ADAM12: variants seen among roughly 807,000 people sequenced by gnomAD.
ADAM12 encodes disintegrin and metalloproteinase domain-containing protein 12.
A neutral mutation model predicts 106.4 loss-of-function variants in ADAM12; 70 were observed. That is an observed-to-expected ratio of 0.66 (90% CI 0.54 to 0.80). The LOEUF (loss-of-function observed/expected upper bound fraction) is 0.80, where lower values mean the gene tolerates loss of function less well. Ranked by LOEUF, ADAM12 falls within the 30% of genes least tolerant of loss-of-function variation. ADAM12 has a pLI of 0.00. For synonymous variants in ADAM12, 420 were observed against 433.5 expected (o/e 0.97, Z 0.39); for missense variants, 1,010 against 1,171.9 (o/e 0.86, Z 2.02).
chr10:126,017,153 A>G lies in ADAM12; in HGVS notation c.*126T>C, dbSNP rs1953674954. Reference sequence around the variant, plus strand: ...GCACAGCACTGACGGCAGTAGCTCAAAGTTCTTATAGTAATGATGTTTTAA... The same window carrying G: ...GCACAGCACTGACGGCAGTAGCTCAGAGTTCTTATAGTAATGATGTTTTAA... On this transcript the variant is annotated 3_prime_UTR_variant, in exon 23 of 23. Coordinates refer to ENST00000448723, the MANE Select transcript of ADAM12 (RefSeq NM_001288973.2). 2 of 845,526 alleles carry G rather than the reference A, an allele frequency of 2.4e-6. No individual in the cohort carries two copies. The highest frequency in any genetic ancestry group is 3.7e-6 in the Non-Finnish European group (2 of 539,776). The allele number at this position is 845,526 out of a possible 1,614,324, so 52.4% of individuals were successfully genotyped here.
chr10:126,041,289 C>G, intron 18 of ADAM12: 1 of 974,988 alleles, frequency 1.0e-6, no homozygotes, highest in Non-Finnish European at 1.2e-6. Context: ...GTGAGCCATG[C>G]TTGCTCATGG....
At chr10:126,304,555 A>T (rs543972060) in intron 2 of ADAM12, among the ~76,000 whole-genome samples, 11 of 152,262 alleles carry the variant, frequency 7.2e-5, no homozygotes, top group African/African-American at 2.4e-4. Context: ...TATAGATTAA[A>T]ACTGAAAGAG....
chr10:126,238,043 C>A (rs570161189), intron 3 of ADAM12, among the ~76,000 whole-genome samples: 1 of 152,138 alleles, frequency 6.6e-6, no homozygotes, highest in East Asian at 1.9e-4. Context: ...TTGTTAGCTA[C>A]GCAAAATATT....
chr10:126,388,123 A>G lies in ADAM12; in HGVS notation c.23T>C (p.Val8Ala). The change falls in exon 1 of 23, where the codon GTG becomes GCG. Residue 8 changes from valine to alanine, a missense_variant. Physicochemically the swap from Val to Ala is moderately conservative, Grantham distance 64 (BLOSUM62 0). This residue lies in a region of ADAM12 where 391 missense variants were observed against 442.9 expected (regional missense o/e 0.88). Transcript: ENST00000448723. This position sits in a 1 kb window ranked among gnomAD's most constrained non-coding sequence, Gnocchi z 4.4. ...GAGCAGGAGGGCGCGGGCGGGGGAC[A>G]CGGGCAGCGGGCGCGCTGCCATCGT... MAARPLP[V>A]SPARALLLAL... 2.5e-6 allele frequency: 3 copies of G among 1,221,186 alleles called. No homozygotes were observed. The highest frequency in any genetic ancestry group is 3.1e-6 in the Non-Finnish European group (3 of 980,788). The allele number at this position is 1,221,186 out of a possible 1,614,324, so 75.6% of individuals were successfully genotyped here.
intron 6 of ADAM12, among the ~76,000 whole-genome samples, chr10:126,111,233 C>A (rs967279847): frequency 1.3e-5 from 2 of 152,188 alleles, no homozygotes; most frequent in African/African-American, 4.8e-5. Flanking sequence ...GGTACAATTT[C>A]TCATATCTTT....
chr10:126,362,321 C>T (rs1288293810), intron 1 of ADAM12, among the ~76,000 whole-genome samples: 1 of 152,134 alleles, frequency 6.6e-6, no homozygotes, highest in Non-Finnish European at 1.5e-5. Flanking sequence ...AAAGAAAACA[C>T]TTGTACACTA....
chr10:126,357,496 C>A (rs967890939), intron 1 of ADAM12, among the ~76,000 whole-genome samples: 3 of 152,248 alleles, frequency 2.0e-5, no homozygotes, highest in South Asian at 2.1e-4. Flanking sequence ...TAATACAGAA[C>A]CTGATGGCTT....
At chr10:126,185,992 T>C (rs909954827) in intron 3 of ADAM12, among the ~76,000 whole-genome samples, 19 of 152,242 alleles carry the variant, frequency 1.2e-4, no homozygotes, top group Non-Finnish European at 2.2e-4. Flanking sequence ...ACTTGTGCTG[T>C]TGCTAGAAGT....
chr10:126,345,506 C>T (rs113527251), intron 1 of ADAM12, among the ~76,000 whole-genome samples: 21 of 152,016 alleles, frequency 1.4e-4, no homozygotes, highest in African/African-American at 4.3e-4. Flanking sequence ...TGTCTCTGCC[C>T]GGCTTTGGTA....
chr10:126,269,730 G>A (rs1400620676), intron 3 of ADAM12, among the ~76,000 whole-genome samples: 1 of 152,192 alleles, frequency 6.6e-6, no homozygotes, highest in African/African-American at 2.4e-5. Flanking sequence ...TGAGTCTGCA[G>A]TGTCAGAAGG....
chr10:126,305,625 C>T (rs750736993), intron 2 of ADAM12, among the ~76,000 whole-genome samples: 2 of 152,004 alleles, frequency 1.3e-5, no homozygotes, highest in Non-Finnish European at 2.9e-5. Context: ...TGTATTTTAT[C>T]TTTTTATTGT....
Position 126,014,138 on chromosome 10 carries a change from G to A in ADAM12, c.*3141C>T, listed in dbSNP as rs1027930895. 2 of 152,554 alleles carry A rather than the reference G, an allele frequency of 1.3e-5. No homozygotes were observed. Among genetic ancestry groups the A allele is most frequent in the Non-Finnish European group, 2.9e-5 (2 of 68,470 alleles). 9.5% of individuals were successfully genotyped at this position (152,554 alleles called of 1,614,324 possible). ...AAAGATCTGGCCCTGCTGCCCTGGC[G>A]CCACCTTGTGCCCTTTCTGCTGCTG... On this transcript the variant is annotated 3_prime_UTR_variant, in exon 23 of 23. Coordinates refer to ENST00000448723, the MANE Select transcript of ADAM12 (RefSeq NM_001288973.2).
At chr10:126,384,798 C>T (rs912987234) in intron 1 of ADAM12, among the ~76,000 whole-genome samples, 1 of 152,174 alleles carries the variant, frequency 6.6e-6, no homozygotes, top group African/African-American at 2.4e-5. Context: ...CCCCACCAAC[C>T]ACCAGTTCTT....
intron 1 of ADAM12, among the ~76,000 whole-genome samples, chr10:126,375,031 G>A (rs1856233996): frequency 6.6e-6 from 1 of 152,088 alleles, no homozygotes; most frequent in Non-Finnish European, 1.5e-5. Context: ...ACAACAACAG[G>A]AGACGCAAGG....
intron 4 of ADAM12, among the ~76,000 whole-genome samples, chr10:126,149,715 T>C (rs909998229): frequency 3.9e-5 from 6 of 152,172 alleles, no homozygotes; most frequent in Non-Finnish European, 7.3e-5. Context: ...ACATCGGACT[T>C]CAAGTTCTTC....
At chr10:126,355,888 C>A (rs963644576) in intron 1 of ADAM12, among the ~76,000 whole-genome samples, 1 of 152,172 alleles carries the variant, frequency 6.6e-6, no homozygotes, top group South Asian at 2.1e-4. Flanking sequence ...ACCTGCAAAG[C>A]CAAGATGGTC....
rs1294927730 is a variant in ADAM12, at chr10:126,113,709, T to A, written c.604-3869A>T. On this transcript the variant is annotated intron_variant, in intron 6 of 22. Coordinates refer to ENST00000448723, the MANE Select transcript of ADAM12 (RefSeq NM_001288973.2). ...AAAAATATATATATATATATATATA[T>A]ATATATATATATATATATATATAAT... Among the ~76,000 whole-genome samples, 464 of 70,918 alleles carry A rather than the reference T, an allele frequency of 6.5e-3. 9 individuals carry two copies. Among genetic ancestry groups the A allele is most frequent in the Non-Finnish European group, 8.3e-3 (353 of 42,288 alleles). 46.5% of individuals were successfully genotyped at this position (70,918 alleles called of 152,430 possible).
chr10:126,019,790 C>T lies in ADAM12; in HGVS notation c.2565G>A (p.Leu855=). The part of the protein sequence containing the change: ...TCKPNPPQKP[L]PADPLARTTR... Reference sequence around the variant, plus strand: ...TTGTTCTGGCCAGAGGATCTGCAGGCAGAGGCTTCTGAGGGGGGTTTGGCT... The same window carrying T: ...TTGTTCTGGCCAGAGGATCTGCAGGTAGAGGCTTCTGAGGGGGGTTTGGCT... The change falls in exon 22 of 23, where the codon CTG becomes CTA. Residue 855 remains leucine, a synonymous_variant. Transcript: ENST00000448723. The T allele has an allele frequency of 6.2e-7, 1 of 1,614,086 alleles. No individual in the cohort carries two copies. The highest frequency in any genetic ancestry group is 8.5e-7 in the Non-Finnish European group (1 of 1,179,994).
At chr10:126,174,766 T>C (rs1957187080) in intron 3 of ADAM12, among the ~76,000 whole-genome samples, 1 of 151,838 alleles carries the variant, frequency 6.6e-6, no homozygotes, top group Admixed American at 6.6e-5. Context: ...CCTTTTTTTT[T>C]TTTTGAGACT....
Sources: gnomAD v4.1 joint callset for allele counts (sites outside exome capture counted in the v4.1 genomes callset) on GRCh38, gnomAD v4.1.1 for gene constraint, gnomAD v4.1.1 regional missense constraint, Gnocchi (gnomAD v3.1) non-coding constraint, MANE v1.5 for transcripts, NCBI Gene and HGNC (gene_info 2026-07-23, HGNC 2026-07-21) for gene names.